The following KCNQ1 variants were observed in gnomAD, a reference collection of about 807,000 sequenced individuals.
KCNQ1 encodes the protein potassium voltage-gated channel subfamily Q member 1, also known as potassium voltage-gated channel subfamily KQT member 1.
Under a neutral mutation model 72.4 loss-of-function variants are expected in KCNQ1, and 49 were observed. That is an observed-to-expected ratio of 0.68 (90% CI 0.54 to 0.86). The LOEUF (loss-of-function observed/expected upper bound fraction) is 0.86. KCNQ1 is among the 40% of genes least tolerant of loss of function. The pLI, the probability that KCNQ1 is intolerant of heterozygous loss-of-function variation, is 0.00. For synonymous variants in KCNQ1, 450 were observed against 412.6 expected (o/e 1.09, Z -1.10); for missense variants, 790 against 945.1 (o/e 0.84, Z 2.15).
intron 10 of KCNQ1, among the ~76,000 whole-genome samples, chr11:2,604,672 G>A (rs1848855483): frequency 6.6e-6 from 1 of 151,684 alleles, no homozygotes; most frequent in Admixed American, 6.6e-5. Context: ...AGCCTCCCAA[G>A]TAGCTGGGAT....
intron 8 of KCNQ1, among the ~76,000 whole-genome samples, chr11:2,586,829 CAT>C (rs2133756997): frequency 6.6e-6 from 1 of 152,220 alleles, no homozygotes; most frequent in East Asian, 1.9e-4. Context: ...CTCTCAGGCT[CAT>C]GTGGCCAGTG....
In KCNQ1 at chr11:2,654,480, C is replaced by T. The variant is rs577864996; in HGVS notation, c.1394-7481C>T. Reference sequence around the variant, plus strand: ...GCCAGGCACACATAAGCCCTGCAGCCGTACAGGGGAGGGGGCAATCTCCGG... The same window carrying T: ...GCCAGGCACACATAAGCCCTGCAGCTGTACAGGGGAGGGGGCAATCTCCGG... On this transcript the variant is annotated intron_variant, in intron 10 of 15. Coordinates refer to ENST00000155840, the MANE Select transcript of KCNQ1 (RefSeq NM_000218.3). The surrounding 1 kb of genome is among the most constrained non-coding windows in gnomAD (Gnocchi z 6.4). 20 of 398,356 alleles carry T rather than the reference C, an allele frequency of 5.0e-5. No individual in the cohort carries two copies. The highest frequency in any genetic ancestry group is 8.8e-5 in the Admixed American group (2 of 22,712). The allele number at this position is 398,356 out of a possible 1,614,324, so 24.7% of individuals were successfully genotyped here.
Position 2,767,017 on chromosome 11 carries a change from A to G in KCNQ1, c.1515-1827A>G, listed in dbSNP as rs866476289. Among the ~76,000 whole-genome samples the G allele has an allele frequency of 1.3e-5, 2 of 152,158 alleles. No homozygotes were observed. Among genetic ancestry groups the G allele is most frequent in the Non-Finnish European group, 2.9e-5 (2 of 68,024 alleles). On this transcript the variant is annotated intron_variant, in intron 11 of 15. Transcript: ENST00000155840. The surrounding 1 kb of genome is among the most constrained non-coding windows in gnomAD (Gnocchi z 4.6). ...CATGATCAAACCCTGTCTCTACTAA[A>G]AATACAAAAATTAGCTGGGCATGGT...
chr11:2,672,104 G>T, intron 11 of KCNQ1: 1 of 398,724 alleles, frequency 2.5e-6, no homozygotes, highest in South Asian at 1.3e-4. Context: ...TCTGCCCACA[G>T]GGGACCTTTC....
chr11:2,681,506 C>A, intron 11 of KCNQ1: 1 of 398,490 alleles, frequency 2.5e-6, no homozygotes, highest in East Asian at 3.6e-5. Flanking sequence ...TAAAGTCAAA[C>A]TGGTCCAGGT....
rs921007166 is a variant in KCNQ1 at position 2,491,255 on chromosome 11, G to A, written c.387-36673G>A. ...GACCTGACCAAACAAACTAAATAAA[G>A]CATCAGGGACCAATCCTGAAGAAAA... On this transcript the variant is annotated intron_variant, in intron 1 of 15. Transcript: ENST00000155840. This position sits in a 1 kb window ranked among gnomAD's most constrained non-coding sequence, Gnocchi z 4.1. 6.6e-6 allele frequency among the ~76,000 whole-genome samples: 1 copy of A among 152,132 alleles called. No individual in the cohort carries two copies. The highest frequency in any genetic ancestry group is 2.4e-5 in the African/African-American group (1 of 41,424).
chr11:2,677,129 C>T lies in KCNQ1; in HGVS notation c.1514+15048C>T. 1 of 398,612 alleles carries T rather than the reference C, an allele frequency of 2.5e-6. No individual in the cohort carries two copies. Among genetic ancestry groups the T allele is most frequent in the Non-Finnish European group, 4.4e-6 (1 of 226,060 alleles). 24.7% of individuals were successfully genotyped at this position (398,612 alleles called of 1,614,324 possible). ...TATGAAATTAGTTTCCCTGAAACAT[C>T]CCTCCCTATTGAACACTGTTGTTTC... is the stretch of plus-strand genomic sequence containing the variant. On this transcript the variant is annotated intron_variant, in intron 11 of 15. Transcript: ENST00000155840. The surrounding 1 kb of genome is among the most constrained non-coding windows in gnomAD (Gnocchi z 4.5).
At chr11:2,480,820 T>TC (rs5789257) in intron 1 of KCNQ1, among the ~76,000 whole-genome samples, 63,485 of 152,018 alleles carry the variant, frequency 0.42, 15,942 homozygotes, top group Non-Finnish European at 0.58. Context: ...ACACCCTTAT[T>TC]CCTAAGAAAT....
Position 2,682,042 on chromosome 11 carries a change from T to C in KCNQ1, c.1514+19961T>C. On this transcript the variant is annotated intron_variant, in intron 11 of 15. Coordinates refer to ENST00000155840, the MANE Select transcript of KCNQ1 (RefSeq NM_000218.3). This position sits in a 1 kb window ranked among gnomAD's most constrained non-coding sequence, Gnocchi z 5.8. Reference sequence around the variant, plus strand: ...ACACAAGAATATTATCACTCCTGTTTTATAGATAATCTCCTAAGGGTTGAG... The same window carrying C: ...ACACAAGAATATTATCACTCCTGTTCTATAGATAATCTCCTAAGGGTTGAG... 2.5e-6 allele frequency: 1 copy of C among 398,628 alleles called. No homozygotes were observed. Among genetic ancestry groups the C allele is most frequent in the Non-Finnish European group, 4.4e-6 (1 of 226,068 alleles). The allele number at this position is 398,628 out of a possible 1,614,324, so 24.7% of individuals were successfully genotyped here.
At chr11:2,569,152 G>A (rs1487009245) in intron 2 of KCNQ1, among the ~76,000 whole-genome samples, 1 of 152,216 alleles carries the variant, frequency 6.6e-6, no homozygotes, top group Non-Finnish European at 1.5e-5. Context: ...CCAGAGTGCT[G>A]GGATTACAGG....
intron 1 of KCNQ1, among the ~76,000 whole-genome samples, chr11:2,452,892 A>T (rs931438707): frequency 6.6e-6 from 1 of 152,128 alleles, no homozygotes; most frequent in Non-Finnish European, 1.5e-5. Context: ...GTGGGTGGCC[A>T]TGTGGAAAGT....
intron 1 of KCNQ1, among the ~76,000 whole-genome samples, chr11:2,511,811 C>G (rs1226895005): frequency 6.6e-6 from 1 of 152,178 alleles, no homozygotes; most frequent in East Asian, 1.9e-4. Context: ...TGCAGGAGCC[C>G]AGGGGAGGGG....
At chr11:2,689,202 T>G in intron 11 of KCNQ1, 1 of 398,842 alleles carries the variant, frequency 2.5e-6, no homozygotes, top group Non-Finnish European at 4.4e-6. Flanking sequence ...CAGCTCAGCT[T>G]GCTGACTTTG....
intron 15 of KCNQ1, among the ~76,000 whole-genome samples, chr11:2,836,749 C>T (rs1168541506): frequency 1.3e-5 from 2 of 152,246 alleles, no homozygotes; most frequent in East Asian, 3.9e-4. Context: ...CTCACTCGTG[C>T]TAAACCTCGC....
chr11:2,682,475 C>CGAGTAAGTGAGT lies in KCNQ1; in HGVS notation c.1514+20398_1514+20399insAAGTGAGTGAGT, dbSNP rs1850414802. ...TCACGGACCCTCAGTGAATGTTTGA[C>CGAGTAAGTGAGT]GAGTGAGTGAGTGAGTGAGTGAGTG... On this transcript the variant is annotated intron_variant, in intron 11 of 15. Transcript: ENST00000155840. This position sits in a 1 kb window ranked among gnomAD's most constrained non-coding sequence, Gnocchi z 5.8. The CGAGTAAGTGAGT allele has an allele frequency of 7.7e-6, 3 of 389,392 alleles. No individual in the cohort carries two copies. 24.1% of individuals were successfully genotyped at this position (389,392 alleles called of 1,614,324 possible). A position where few individuals can be genotyped will look rare whatever the true frequency, so the allele number is the denominator to read the frequency against.
rs367904286 is a variant in KCNQ1 at position 2,503,617 on chromosome 11, C to G, written c.387-24311C>G. Among the ~76,000 whole-genome samples the G allele has an allele frequency of 3.7e-3, 564 of 151,710 alleles. 9 individuals carry two copies. The highest frequency in any genetic ancestry group is 0.026 in the Admixed American group (389 of 15,246). ...ATGACGAGTTAATGGGTGCAGCACACCAACATGGCACATGTATACATATGT... is the reference window on the plus strand; with the variant it reads ...ATGACGAGTTAATGGGTGCAGCACAGCAACATGGCACATGTATACATATGT... On this transcript the variant is annotated intron_variant, in intron 1 of 15. Transcript: ENST00000155840.
chr11:2,664,554 G>T lies in KCNQ1; in HGVS notation c.1514+2473G>T. 1 of 398,728 alleles carries T rather than the reference G, an allele frequency of 2.5e-6. No individual in the cohort carries two copies. Among genetic ancestry groups the T allele is most frequent in the East Asian group, 3.6e-5 (1 of 28,068 alleles). 24.7% of individuals were successfully genotyped at this position (398,728 alleles called of 1,614,324 possible). A position where few individuals can be genotyped will look rare whatever the true frequency, so the allele number is the denominator to read the frequency against. On this transcript the variant is annotated intron_variant, in intron 11 of 15. Coordinates refer to ENST00000155840, the MANE Select transcript of KCNQ1 (RefSeq NM_000218.3). This position sits in a 1 kb window ranked among gnomAD's most constrained non-coding sequence, Gnocchi z 5.1. ...ACCGCCTGGCGGCAGGGGTGTGGGG[G>T]CCGTGCAGGTCTTCTGCCCGCATTG...
chr11:2,576,108 C>T (rs1252676686), intron 6 of KCNQ1, among the ~76,000 whole-genome samples: 4 of 152,214 alleles, frequency 2.6e-5, no homozygotes, highest in African/African-American at 7.2e-5. Context: ...TTCAAAGAGC[C>T]TATTTCCAAA....
chr11:2,795,782 G>C lies in KCNQ1; in HGVS notation c.1794+17745G>C, dbSNP rs565484808. ...TTGGCGGGACCCTGCCTTTCCCCGG[G>C]TCCATGAGGAACCCCACGGGTTCCT... is the stretch of plus-strand genomic sequence containing the variant. On this transcript the variant is annotated intron_variant, in intron 15 of 15. Transcript: ENST00000155840. Among the ~76,000 whole-genome samples the C allele has an allele frequency of 6.5e-3, 990 of 152,290 alleles. 13 individuals are homozygous for C. The highest frequency in any genetic ancestry group is 0.023 in the African/African-American group (937 of 41,562).
Sources: allele counts gnomAD v4.1 joint callset (sites outside exome capture counted in the v4.1 genomes callset), GRCh38; gene constraint gnomAD v4.1.1; non-coding constraint Gnocchi (gnomAD v3.1); transcripts MANE v1.5; gene names NCBI Gene and HGNC (gene_info 2026-07-23, HGNC 2026-07-21).